Variants in EMILIN2 observed in about 807,000 individuals in gnomAD.
EMILIN2 encodes the protein elastin microfibril interfacer 2.
A neutral mutation model predicts 87.1 loss-of-function variants in EMILIN2; 71 were observed. The ratio of observed to expected loss-of-function variants is 0.82; its 90% confidence interval spans 0.67 to 0.99. EMILIN2 has a LOEUF of 0.99. EMILIN2 is among the 50% of genes least tolerant of loss of function. EMILIN2 has a pLI of 0.00. For synonymous variants in EMILIN2, 581 were observed against 563.4 expected, an observed-to-expected ratio of 1.03 and a Z score of -0.44; for missense variants, 1,407 against 1,371.8, an observed-to-expected ratio of 1.03 and a Z score of -0.40.
At chr18:2,895,038 G>C (rs1014583791) in intron 4 of EMILIN2, among the ~76,000 whole-genome samples, 1 of 152,170 alleles carries the variant, frequency 6.6e-6, no homozygotes, top group African/African-American at 2.4e-5. Context: ...TTGTGGCATA[G>C]CAGTTTATCC....
chr18:2,884,919 G>GT (rs2076795408), intron 2 of EMILIN2, 45 bp from the exon 3 acceptor site: 1 of 1,532,692 alleles, frequency 6.5e-7, no homozygotes, highest in Non-Finnish European at 8.8e-7. Flanking sequence ...GAAGTTGCTT[G>GT]TAACGGCAGC....
At position 2,915,104 on chromosome 18, in the gene EMILIN2, G is replaced by A. The variant is rs1878078141; in HGVS notation, c.*1700G>A. On this transcript the variant is annotated 3_prime_UTR_variant, in exon 8 of 8. Transcript: ENST00000254528. The stretch of plus-strand genomic sequence containing the variant: ...AGGGGACGTGCTCAAGAGCTGCAGG[G>A]GCAGGGCCCAGGCAAAAGGTGGGTG... The A allele has an allele frequency of 6.6e-6, 1 of 152,274 alleles. No individual in the cohort carries two copies. The highest frequency in any genetic ancestry group is 2.1e-4 in the South Asian group (1 of 4,838). The allele number at this position is 152,274 out of a possible 1,614,324, so 9.4% of individuals were successfully genotyped here.
intron 2 of EMILIN2, among the ~76,000 whole-genome samples, chr18:2,868,796 A>ACCGTG (rs2076704397): frequency 6.6e-6 from 1 of 151,930 alleles, no homozygotes; most frequent in Admixed American, 6.5e-5. Context: ...GAAAGAGGAG[A>ACCGTG]GGGAGAGGGA....
rs1317541029 is a variant in EMILIN2, at chr18:2,848,551, G to T, written c.257+620G>T. On this transcript the variant is annotated intron_variant, in intron 2 of 7. Transcript: ENST00000254528. This position sits in a 1 kb window ranked among gnomAD's most constrained non-coding sequence, Gnocchi z 4.1. ...AGAGAATGGCCGTTAAAGACAGGGG[G>T]AAGAATTAATCATCTTTTTGCTTAT... Among the ~76,000 whole-genome samples, 2 of 150,002 alleles carry T rather than the reference G, an allele frequency of 1.3e-5. No homozygotes were observed. Among genetic ancestry groups the T allele is most frequent in the African/African-American group, 2.5e-5 (1 of 40,612 alleles).
chr18:2,907,189 G>C (rs981792674), intron 5 of EMILIN2, 104 bp downstream of exon 5: 138 of 1,149,546 alleles, frequency 1.2e-4, no homozygotes, highest in Non-Finnish European at 1.4e-4. Flanking sequence ...TCCAGCCTTC[G>C]GGGGGGCAAG....
At chr18:2,863,057 C>T (rs548143180) in intron 2 of EMILIN2, among the ~76,000 whole-genome samples, 54 of 152,098 alleles carry the variant, frequency 3.6e-4, no homozygotes, top group Admixed American at 3.9e-4. Flanking sequence ...TCTGTGGGAT[C>T]GGTGGTGATA....
Position 2,880,034 on chromosome 18 carries a change from G to A in EMILIN2, c.258-4930G>A, listed in dbSNP as rs1402309891. 2.0e-5 allele frequency among the ~76,000 whole-genome samples: 3 copies of A among 152,190 alleles called. No individual in the cohort carries two copies. Among genetic ancestry groups the A allele is most frequent in the Non-Finnish European group, 4.4e-5 (3 of 68,032 alleles). Reference sequence around the variant, plus strand: ...GTATATTAATTTTTAAAAATGGGATGTTATAGTGAACAAAACCAACAGGAA... The same window carrying A: ...GTATATTAATTTTTAAAAATGGGATATTATAGTGAACAAAACCAACAGGAA... On this transcript the variant is annotated intron_variant, in intron 2 of 7. Coordinates refer to ENST00000254528, the MANE Select transcript of EMILIN2 (RefSeq NM_032048.3). This position sits in a 1 kb window ranked among gnomAD's most constrained non-coding sequence, Gnocchi z 4.1.
At chr18:2,906,358 A>C in intron 4 of EMILIN2, 1 of 154,788 alleles carries the variant, frequency 6.5e-6, no homozygotes, top group Non-Finnish European at 1.4e-5. Context: ...GTCCCTCGGC[A>C]GCCCGCGGGA....
At chr18:2,877,926 C>T (rs76019443) in intron 2 of EMILIN2, among the ~76,000 whole-genome samples, 3,635 of 152,218 alleles carry the variant, frequency 0.024, 141 homozygotes, top group African/African-American at 0.081. Flanking sequence ...AAGGACATTA[C>T]GCTAAGTGAA....
At chr18:2,877,734 C>T (rs2076756553) in intron 2 of EMILIN2, among the ~76,000 whole-genome samples, 1 of 150,356 alleles carries the variant, frequency 6.7e-6, no homozygotes, top group Admixed American at 6.6e-5. Flanking sequence ...GCTGAGATCG[C>T]ACCTCTGCAC....
chr18:2,892,075 G>A lies in EMILIN2; in HGVS notation c.1948G>A (p.Glu650Lys). ...MGRFTKVGEQ[E>K]RTVDTLPSPQ... is the part of the protein sequence containing the mutation. ...TAGGTTCACTAAGGTGGGTGAGCAA[G>A]AAAGGACAGTGGACACCCTGCCGTC... Residue 650 changes from glutamate to lysine, a missense_variant, in exon 4 of 8, where the codon GAA (glutamate) becomes AAA (lysine). Glu to Lys is a moderately conservative substitution (Grantham distance 56). Transcript: ENST00000254528. 3 of 1,614,252 alleles carry A rather than the reference G, an allele frequency of 1.9e-6. No individual in the cohort carries two copies. The highest frequency in any genetic ancestry group is 2.5e-6 in the Non-Finnish European group (3 of 1,180,046).
At position 2,870,879 on chromosome 18, in the gene EMILIN2, G is replaced by T. The variant is rs4798039; in HGVS notation, c.258-14085G>T. On this transcript the variant is annotated intron_variant, in intron 2 of 7. Coordinates refer to ENST00000254528, the MANE Select transcript of EMILIN2 (RefSeq NM_032048.3). ...GCTTGTAGATGTCCGTCTTCTCCCT[G>T]TGTCTCTTCACATAATCTTCCCTTC... 0.044 allele frequency among the ~76,000 whole-genome samples: 6,686 copies of T among 152,218 alleles called. 732 individuals are homozygous for T. In the East Asian group the frequency reaches 0.48, roughly 11 times the overall value.
intron 2 of EMILIN2, among the ~76,000 whole-genome samples, chr18:2,878,307 T>G (rs981879036): frequency 6.6e-6 from 1 of 152,098 alleles, no homozygotes; most frequent in African/African-American, 2.4e-5. Context: ...TTGGCCAACA[T>G]GGCAAGACCC....
At position 2,891,445 on chromosome 18, in the gene EMILIN2, C is replaced by A. The variant is rs202237427; in HGVS notation, c.1318C>A (p.Pro440Thr). Residue 440 changes from proline (P) to threonine (T), a missense_variant, in exon 4 of 8, where the codon CCA (proline) becomes ACA (threonine). Physicochemically the swap from Pro to Thr is conservative, Grantham distance 38. Transcript: ENST00000254528. This position sits in a 1 kb window ranked among gnomAD's most constrained non-coding sequence, Gnocchi z 4.6. ...CAATGAGTTTGACCGCCTTATAGTT[C>A]CAGAGCCAGATGTGGATTTTGATGC... ...LDNEFDRLIV[P>T]EPDVDFDAKW... 29 of 1,614,068 alleles carry A rather than the reference C, an allele frequency of 1.8e-5. No individual in the cohort carries two copies. The Admixed American group carries it at 2.0e-4, about 11-fold the overall frequency.
In EMILIN2 at chr18:2,914,448, A is replaced by G. The variant is rs2076956631; in HGVS notation, c.*1044A>G. On this transcript the variant is annotated 3_prime_UTR_variant, in exon 8 of 8. Transcript: ENST00000254528. ...GGGTTTCTAAGCAGCAGGAAGCTCAACCTAACGCTGGCCACACGCTGACAG... is the reference window on the plus strand; with the variant it reads ...GGGTTTCTAAGCAGCAGGAAGCTCAGCCTAACGCTGGCCACACGCTGACAG... 2 of 152,126 alleles carry G rather than the reference A, an allele frequency of 1.3e-5. No homozygotes were observed. Among genetic ancestry groups the G allele is most frequent in the South Asian group, 4.1e-4 (2 of 4,822 alleles). 9.4% of individuals were successfully genotyped at this position (152,126 alleles called of 1,614,324 possible).
intron 4 of EMILIN2, 51 bp downstream of exon 4, chr18:2,892,537 C>A: frequency 3.3e-6 from 5 of 1,510,046 alleles, no homozygotes; most frequent in Non-Finnish European, 4.4e-6. Context: ...CAGCACGCAA[C>A]AACATTTTAA....
At chr18:2,868,031 C>T (rs1053370353) in intron 2 of EMILIN2, among the ~76,000 whole-genome samples, 4 of 152,162 alleles carry the variant, frequency 2.6e-5, no homozygotes, top group Non-Finnish European at 5.9e-5. Context: ...CGGAGATGCT[C>T]CTCACTTCCC....
chr18:2,848,240 T>C lies in EMILIN2; in HGVS notation c.257+309T>C, dbSNP rs2076586201. On this transcript the variant is annotated intron_variant, in intron 2 of 7. Coordinates refer to ENST00000254528, the MANE Select transcript of EMILIN2 (RefSeq NM_032048.3). The surrounding 1 kb of genome is among the most constrained non-coding windows in gnomAD (Gnocchi z 4.1). ...TTTTCTCCCTTTCAATGTTTGTTTGTAACATAAGGCAGCTGAATCTAATTG... is the reference window on the plus strand; with the variant it reads ...TTTTCTCCCTTTCAATGTTTGTTTGCAACATAAGGCAGCTGAATCTAATTG... 6.6e-6 allele frequency among the ~76,000 whole-genome samples: 1 copy of C among 152,194 alleles called. No homozygotes were observed. The highest frequency in any genetic ancestry group is 2.1e-4 in the South Asian group (1 of 4,834).
chr18:2,884,245 C>T (rs987835431), intron 2 of EMILIN2, among the ~76,000 whole-genome samples: 3 of 150,294 alleles, frequency 2.0e-5, no homozygotes, highest in South Asian at 2.1e-4. Flanking sequence ...CGTGAGCCAC[C>T]GCGCCCAGCC....
Sources: gnomAD v4.1 joint callset for allele counts (sites outside exome capture counted in the v4.1 genomes callset) on GRCh38, gnomAD v4.1.1 for gene constraint, Gnocchi (gnomAD v3.1) non-coding constraint, MANE v1.5 for transcripts, NCBI Gene and HGNC (gene_info 2026-07-23, HGNC 2026-07-21) for gene names.